The following PREX2 variants were observed in gnomAD, a reference collection of about 807,000 sequenced individuals.
The protein encoded by PREX2 is phosphatidylinositol-3,4,5-trisphosphate dependent Rac exchange factor 2.
A neutral mutation model predicts 203.2 loss-of-function variants in PREX2; 107 were observed. The observed-to-expected ratio is 0.53, with a 90% CI of 0.45 to 0.62. The LOEUF (loss-of-function observed/expected upper bound fraction) is 0.62, where lower values mean the gene tolerates loss of function less well. Among genes scored for constraint, PREX2 ranks in the 20% least tolerant of loss-of-function variants. PREX2 has a pLI of 0.00. For synonymous variants in PREX2, 672 were observed against 663.6 expected, an observed-to-expected ratio of 1.01 and a Z score of -0.19; for missense variants, 1,777 against 1,955.9, an observed-to-expected ratio of 0.91 and a Z score of 1.72.
intron 35 of PREX2, 55 bp from the exon 36 acceptor site, chr8:68,191,667 C>A (rs1184164830): frequency 2.5e-6 from 3 of 1,201,698 alleles, no homozygotes; most frequent in African/African-American, 1.5e-5. Flanking sequence ...CATCTTCATG[C>A]ATATTATGTC....
chr8:68,115,332 A>T (rs2129612968), intron 25 of PREX2, among the ~76,000 whole-genome samples: 1 of 152,220 alleles, frequency 6.6e-6, no homozygotes, highest in East Asian at 1.9e-4. Flanking sequence ...CCGGCTGATT[A>T]CCGAGTATTT....
At chr8:67,960,112 C>T (rs920786774) in intron 1 of PREX2, among the ~76,000 whole-genome samples, 2 of 152,034 alleles carry the variant, frequency 1.3e-5, no homozygotes, top group African/African-American at 4.8e-5. Context: ...GCGATCTTGG[C>T]TCACTGCAAC....
In PREX2 at chr8:68,146,149, A is replaced by G. The variant is rs914672088; in HGVS notation, c.4088-60A>G. On this transcript the variant is annotated intron_variant, in intron 33 of 39. Transcript: ENST00000288368. ...TCAGGATTCTTTCTGAAAGTTAACA[A>G]AAGTACCATCTAGCATATCCTTATT... The G allele has an allele frequency of 4.1e-6, 5 of 1,215,098 alleles. No individual in the cohort carries two copies. The Admixed American group carries it at 6.5e-5, about 16-fold the overall frequency. The allele number at this position is 1,215,098 out of a possible 1,614,324, so 75.3% of individuals were successfully genotyped here.
chr8:68,183,272 A>G (rs1812121486), intron 35 of PREX2, among the ~76,000 whole-genome samples: 1 of 152,204 alleles, frequency 6.6e-6, no homozygotes, highest in African/African-American at 2.4e-5. Context: ...TGCTATTCAT[A>G]GTGTCATTGT....
At chr8:68,088,883 C>T (rs963201798) in intron 19 of PREX2, among the ~76,000 whole-genome samples, 1 of 152,132 alleles carries the variant, frequency 6.6e-6, no homozygotes, top group African/African-American at 2.4e-5. Context: ...TCCCTTATTA[C>T]AATGTCATTT....
At chr8:67,953,065 G>A (rs1805398090) in intron 1 of PREX2, among the ~76,000 whole-genome samples, 1 of 152,120 alleles carries the variant, frequency 6.6e-6, no homozygotes, top group Non-Finnish European at 1.5e-5. Flanking sequence ...TGAGACAGAG[G>A]ATTCTGGTGT....
chr8:68,197,689 A>G (rs1812424458), intron 37 of PREX2, among the ~76,000 whole-genome samples: 1 of 149,344 alleles, frequency 6.7e-6, no homozygotes, highest in African/African-American at 2.4e-5. Flanking sequence ...TACTTGTGGC[A>G]GATTATATAT....
intron 8 of PREX2, among the ~76,000 whole-genome samples, chr8:68,049,404 T>G (rs2129611038): frequency 6.6e-6 from 1 of 152,154 alleles, no homozygotes; most frequent in East Asian, 1.9e-4. Context: ...TTTATAATAC[T>G]TGGATATTTT....
chr8:68,044,060 C>T (rs1438089105), intron 7 of PREX2, among the ~76,000 whole-genome samples: 1 of 151,936 alleles, frequency 6.6e-6, no homozygotes, highest in Non-Finnish European at 1.5e-5. Context: ...ATAGCCAATT[C>T]TTTGAAGAGG....
intron 1 of PREX2, among the ~76,000 whole-genome samples, chr8:67,953,589 G>T (rs1805416098): frequency 6.6e-6 from 1 of 151,914 alleles, no homozygotes; most frequent in South Asian, 2.1e-4. Context: ...AATATTTCAG[G>T]TGCCAAACTT....
At chr8:68,163,462 A>G (rs914366111) in intron 35 of PREX2, among the ~76,000 whole-genome samples, 1 of 152,208 alleles carries the variant, frequency 6.6e-6, no homozygotes, top group African/African-American at 2.4e-5. Flanking sequence ...ACACAAAATC[A>G]TAGGAATTTA....
chr8:68,006,162 A>G (rs930242491), intron 1 of PREX2, among the ~76,000 whole-genome samples: 1 of 152,106 alleles, frequency 6.6e-6, no homozygotes, highest in African/African-American at 2.4e-5. Flanking sequence ...AGCCTCCCCA[A>G]CTGCCCTGGT....
chr8:68,199,118 A>G (rs1263826001), intron 37 of PREX2, among the ~76,000 whole-genome samples: 1 of 148,894 alleles, frequency 6.7e-6, no homozygotes, highest in Non-Finnish European at 1.5e-5. Context: ...ACCATCAAGA[A>G]GGCCTTGCTG....
intron 4 of PREX2, among the ~76,000 whole-genome samples, chr8:68,024,889 T>C (rs568282915): frequency 8.0e-4 from 121 of 152,106 alleles, no homozygotes; most frequent in Non-Finnish European, 1.2e-3. Context: ...CTAATTCCAG[T>C]TAAAAGTAGG....
At position 68,134,190 on chromosome 8, in the gene PREX2, A is replaced by G. The variant is rs1811064697; in HGVS notation, c.3898A>G (p.Thr1300Ala). 1.9e-6 allele frequency: 3 copies of G among 1,614,032 alleles called. No homozygotes were observed. Among genetic ancestry groups the G allele is most frequent in the Non-Finnish European group, 2.5e-6 (3 of 1,180,016 alleles). Residue 1300 changes from threonine to alanine, a missense_variant, in exon 32 of 40, where the codon ACT becomes GCT. Thr to Ala is a moderately conservative substitution (Grantham distance 58). Transcript: ENST00000288368. ...FDNSKENEME[T>A]WEASRRWLDQ... ...CAACAGCAAGGAAAATGAGATGGAA[A>G]CTTGGGAAGCCAGCAGGAGGTGGCT...
At chr8:68,031,643 A>T (rs1245842705) in intron 6 of PREX2, among the ~76,000 whole-genome samples, 1 of 152,134 alleles carries the variant, frequency 6.6e-6, no homozygotes, top group Non-Finnish European at 1.5e-5. Context: ...ACTGGGGTTG[A>T]CCTAGCTGCT....
chr8:68,202,754 C>T (rs189784697), intron 37 of PREX2, among the ~76,000 whole-genome samples: 6 of 152,168 alleles, frequency 3.9e-5, no homozygotes, highest in East Asian at 1.9e-4. Context: ...GACAGAGAGA[C>T]GAAGAAGGGA....
intron 37 of PREX2, among the ~76,000 whole-genome samples, chr8:68,196,604 G>C (rs72662927): frequency 6.6e-6 from 1 of 151,290 alleles, no homozygotes; most frequent in Admixed American, 6.6e-5. Flanking sequence ...AATGTAAACC[G>C]CAATGTTGAA....
chr8:68,143,961 G>A (rs1450806267), intron 33 of PREX2, among the ~76,000 whole-genome samples: 3 of 152,096 alleles, frequency 2.0e-5, no homozygotes, highest in Non-Finnish European at 4.4e-5. Flanking sequence ...TTGCTCCATT[G>A]TATTATCTTT....
Sources: gnomAD v4.1 joint callset for allele counts (sites outside exome capture counted in the v4.1 genomes callset) on GRCh38, gnomAD v4.1.1 for gene constraint, MANE v1.5 for transcripts, NCBI Gene and HGNC (gene_info 2026-07-23, HGNC 2026-07-21) for gene names.